The following MON2 variants were observed in gnomAD, a reference collection of about 807,000 sequenced individuals.
The protein encoded by MON2 is MON2 regulator of endosome-to-Golgi trafficking, also known as protein MON2 homolog.
In MON2, 84 loss-of-function variants were observed where a neutral mutation model predicts 208.6. The observed-to-expected ratio is 0.40, with a 90% CI of 0.34 to 0.48. The LOEUF (loss-of-function observed/expected upper bound fraction) is 0.48, where lower values mean the gene tolerates loss of function less well. MON2 is among the 20% of genes least tolerant of loss of function. The pLI is 0.59. For synonymous variants in MON2, 660 were observed against 694.0 expected, an observed-to-expected ratio of 0.95 and a Z score of 0.77; for missense variants, 1,611 against 2,015.4, an observed-to-expected ratio of 0.80 and a Z score of 3.84.
chr12:62,470,476 A>G lies in MON2; in HGVS notation c.111+3158A>G, dbSNP rs148623715. ...TTTCTATTTTTCTTAGTTGTTATAC[A>G]TAAATCTTCATGTTTTAGCAGTATA... On this transcript the variant is annotated intron_variant, in intron 1 of 34. Transcript: ENST00000393630. Among the ~76,000 whole-genome samples the G allele has an allele frequency of 1.5e-4, 23 of 152,262 alleles. 1 individual carries two copies. In the East Asian group the frequency reaches 4.4e-3, roughly 29 times the overall value.
At chr12:62,504,108 G>C (rs561555969) in intron 7 of MON2, among the ~76,000 whole-genome samples, 16 of 152,198 alleles carry the variant, frequency 1.1e-4, no homozygotes, top group African/African-American at 3.9e-4. Context: ...CCTGGCATAT[G>C]GCAGGTGTTT....
At chr12:62,520,528 A>G (rs1338086534) in intron 8 of MON2, among the ~76,000 whole-genome samples, 5 of 152,200 alleles carry the variant, frequency 3.3e-5, no homozygotes, top group Non-Finnish European at 4.4e-5. Context: ...TCCACAGGGT[A>G]AAAAGACTAG....
intron 14 of MON2, among the ~76,000 whole-genome samples, chr12:62,536,759 G>T (rs2072995081): frequency 2.0e-5 from 3 of 151,080 alleles, no homozygotes; most frequent in Admixed American, 2.0e-4. Flanking sequence ...CCAGATCTTG[G>T]CTCACTGCAA....
chr12:62,536,967 G>C (rs1290934563), intron 14 of MON2, among the ~76,000 whole-genome samples, 184 bp from the exon 15 acceptor site: 1 of 152,120 alleles, frequency 6.6e-6, no homozygotes, highest in Admixed American at 6.5e-5. Context: ...TGGGATTACA[G>C]GTGTGAGCCA....
chr12:62,543,349 G>A (rs2073325742), intron 20 of MON2, 151 bp downstream of exon 20: 1 of 419,948 alleles, frequency 2.4e-6, no homozygotes, highest in Non-Finnish European at 4.1e-6. Flanking sequence ...TTTTATCAAG[G>A]ACTAAAGTTG....
chr12:62,576,139 A>G (rs1216070740), intron 30 of MON2, among the ~76,000 whole-genome samples: 1 of 152,170 alleles, frequency 6.6e-6, no homozygotes, highest in East Asian at 1.9e-4. Flanking sequence ...CAGCCATAAA[A>G]AAGAATGAAG....
intron 8 of MON2, among the ~76,000 whole-genome samples, chr12:62,512,445 C>G (rs1002545642): frequency 1.3e-5 from 2 of 152,226 alleles, no homozygotes; most frequent in African/African-American, 2.4e-5. Flanking sequence ...CGAAATTCAG[C>G]AGGGCGGTCA....
chr12:62,505,808 T>C (rs919210648), intron 7 of MON2, among the ~76,000 whole-genome samples: 1 of 151,922 alleles, frequency 6.6e-6, no homozygotes, highest in African/African-American at 2.4e-5. Context: ...GGAGGATCGT[T>C]TGACCCCAGG....
At position 62,571,516 on chromosome 12, in the gene MON2, C is replaced by G. The variant is rs1308276093; in HGVS notation, c.4448C>G (p.Ser1483Cys). ...GLPVARQHASSGKFDSMWPEL... is the reference protein window; with the variant it reads ...GLPVARQHASCGKFDSMWPEL... ...CCTGTTGCCCGGCAGCATGCTTCTT[C>G]TGGAAAATTTGACAGTATGTGGCCA... Residue 1483 changes from serine (S) to cysteine (C), a missense_variant, in exon 30 of 35, where the codon TCT (serine) becomes TGT (cysteine). Transcript: ENST00000393630. The G allele has an allele frequency of 6.2e-7, 1 of 1,613,902 alleles. No individual in the cohort carries two copies. The highest frequency in any genetic ancestry group is 8.5e-7 in the Non-Finnish European group (1 of 1,179,976).
At position 62,544,959 on chromosome 12, in the gene MON2, T is replaced by C. The variant is rs748290569; in HGVS notation, c.2528T>C (p.Ile843Thr). Residue 843 changes from isoleucine (I) to threonine (T), a missense_variant, in exon 21 of 35, where the codon ATT becomes ACT. By Grantham distance (89) the Ile-to-Thr change is moderately conservative (BLOSUM62 -1). Transcript: ENST00000393630. ...GGAGCAGAAGCTTTAACTTCTCTTA[T>C]TAAAGCAGGATTAACATTTAACCAT... ...EWGAEALTSL[I>T]KAGLTFNHDP... 1.2e-6 allele frequency: 2 copies of C among 1,608,318 alleles called. No homozygotes were observed. Among genetic ancestry groups the C allele is most frequent in the Non-Finnish European group, 1.7e-6 (2 of 1,177,438 alleles).
intron 2 of MON2, among the ~76,000 whole-genome samples, chr12:62,488,196 A>T (rs1031293792): frequency 6.6e-6 from 1 of 152,162 alleles, no homozygotes; most frequent in Non-Finnish European, 1.5e-5. Flanking sequence ...AATGAAGGAG[A>T]CTGACCCTCA....
Position 62,560,814 on chromosome 12 carries a change from A to C in MON2, c.3733A>C (p.Asn1245His), listed in dbSNP as rs762896524. 3.1e-6 allele frequency: 5 copies of C among 1,614,146 alleles called. No individual in the cohort carries two copies. The highest frequency in any genetic ancestry group is 4.2e-6 in the Non-Finnish European group (5 of 1,180,000). Residue 1245 changes from asparagine (N) to histidine (H), a missense_variant, in exon 26 of 35, where the codon AAT becomes CAT. Asn to His is a moderately conservative substitution (Grantham distance 68). Coordinates refer to ENST00000393630, the MANE Select transcript of MON2 (RefSeq NM_015026.3). ...EDLNLWWAAW[N>H]TWYRIGSEST... ...TTTGAATCTATGGTGGGCTGCGTGG[A>C]ATACCTGGTATAGAATTGGATCTGA...
At chr12:62,537,783 T>A in intron 16 of MON2, 77 bp downstream of exon 16, 1 of 1,148,914 alleles carries the variant, frequency 8.7e-7, no homozygotes, top group Non-Finnish European at 1.3e-6. Flanking sequence ...AGCAATGTAT[T>A]TTGATGTTTT....
chr12:62,559,680 G>A (rs2074123350), intron 25 of MON2, among the ~76,000 whole-genome samples: 1 of 151,864 alleles, frequency 6.6e-6, no homozygotes, highest in African/African-American at 2.4e-5. Context: ...AGCCACACTT[G>A]GGAGGCTGAG....
At chr12:62,546,250 C>T (rs1256062257) in intron 21 of MON2, among the ~76,000 whole-genome samples, 1 of 151,834 alleles carries the variant, frequency 6.6e-6, no homozygotes, top group Non-Finnish European at 1.5e-5. Flanking sequence ...GAATTGATTA[C>T]CTCTCTCCAA....
intron 8 of MON2, among the ~76,000 whole-genome samples, chr12:62,513,676 G>C (rs2071532408): frequency 6.6e-6 from 1 of 151,950 alleles, no homozygotes; most frequent in Non-Finnish European, 1.5e-5. Flanking sequence ...GCTGAGTGTG[G>C]TGGCTCACGC....
At chr12:62,591,084 C>G (rs1358622848) in intron 34 of MON2, among the ~76,000 whole-genome samples, 1 of 152,174 alleles carries the variant, frequency 6.6e-6, no homozygotes, top group Non-Finnish European at 1.5e-5. Flanking sequence ...TCTGGGACAA[C>G]CTAGACAGGT....
intron 7 of MON2, among the ~76,000 whole-genome samples, chr12:62,506,395 C>CTT (rs943372329): frequency 6.6e-6 from 1 of 152,100 alleles, no homozygotes; most frequent in Non-Finnish European, 1.5e-5. Context: ...TTATTTTTAT[C>CTT]TTTTTATTTA....
chr12:62,599,295 ATTATCT>A lies in MON2; in HGVS notation c.*6548_*6553del, dbSNP rs1406651261. 1 of 152,214 alleles carries A rather than the reference ATTATCT, an allele frequency of 6.6e-6. No individual in the cohort carries two copies. Among genetic ancestry groups the A allele is most frequent in the Non-Finnish European group, 1.5e-5 (1 of 68,016 alleles). 9.4% of individuals were successfully genotyped at this position (152,214 alleles called of 1,614,324 possible). ...AAGTAAAAATCCTGATGTAGATTAG[ATTATCT>A]TAATCTTATGAGCATTTTTTTTTAA... is the stretch of plus-strand genomic sequence containing the variant. On this transcript the variant is annotated 3_prime_UTR_variant, in exon 35 of 35. Transcript: ENST00000393630.
Sources: allele counts gnomAD v4.1 joint callset (sites outside exome capture counted in the v4.1 genomes callset), GRCh38; gene constraint gnomAD v4.1.1; transcripts MANE v1.5; gene names NCBI Gene and HGNC (gene_info 2026-07-23, HGNC 2026-07-21).